The following CEP350 variants were observed in gnomAD, a reference collection of about 807,000 sequenced individuals.
CEP350 encodes the protein centrosome-associated protein 350.
A neutral mutation model predicts 331.8 loss-of-function variants in CEP350; 126 were observed. That is an observed-to-expected ratio of 0.38 (90% CI 0.33 to 0.44). CEP350 has a LOEUF of 0.44. CEP350 is among the 20% of genes least tolerant of loss of function. The pLI, the probability that CEP350 is intolerant of heterozygous loss-of-function variation, is 1.00. For missense variants in CEP350, 3,406 were observed against 3,634.6 expected (o/e 0.94, Z 1.62); for synonymous variants, 1,200 against 1,259.5 (o/e 0.95, Z 1.00).
At position 180,090,699 on chromosome 1, in the gene CEP350, A is replaced by C; in HGVS notation, c.6426-15A>C. On this transcript the variant is annotated splice_polypyrimidine_tract_variant and intron_variant, in intron 32 of 37. Transcript: ENST00000367607. ...GTAATATGTTTATTTCTGCTCATTAATTTTTACACGTCAGATCTGAAACGG... is the reference window on the plus strand; with the variant it reads ...GTAATATGTTTATTTCTGCTCATTACTTTTTACACGTCAGATCTGAAACGG... The C allele has an allele frequency of 6.5e-7, 1 of 1,537,088 alleles. No homozygotes were observed. The highest frequency in any genetic ancestry group is 1.2e-5 in the South Asian group (1 of 81,154).
chr1:180,092,672 A>G lies in CEP350; in HGVS notation c.6567A>G (p.Ala2189=), dbSNP rs747465962. 4 of 1,613,080 alleles carry G rather than the reference A, an allele frequency of 2.5e-6. No homozygotes were observed. In the South Asian group the frequency reaches 3.3e-5, roughly 13 times the overall value. ...SVSERSLSAY[A]KRVNEWDSRT... ...CAGAAAGGTCTTTATCTGCATATGC[A>G]AAGAGAGTAAATGAATGGGACAGTC... The change falls in exon 34 of 38, where the codon GCA becomes GCG. Residue 2189 remains alanine (A), a synonymous_variant. Coordinates refer to ENST00000367607, the MANE Select transcript of CEP350 (RefSeq NM_014810.5).
intron 25 of CEP350, among the ~76,000 whole-genome samples, chr1:180,054,867 A>G (rs975372802): frequency 2.0e-5 from 3 of 152,208 alleles, no homozygotes; most frequent in Admixed American, 6.5e-5. Context: ...ATGACATATT[A>G]ATTACATATT....
intron 22 of CEP350, chr1:180,052,266 T>TG (rs1379252433): frequency 4.4e-6 from 2 of 451,592 alleles, no homozygotes; most frequent in African/African-American, 4.0e-5. Flanking sequence ...CTCGAACTCC[T>TG]GGCCTCAAGG....
rs763817042 is a variant in CEP350 at position 180,093,032 on chromosome 1, T to C, written c.6927T>C (p.Asn2309=). The C allele has an allele frequency of 1.2e-6, 2 of 1,605,906 alleles. No individual in the cohort carries two copies. The highest frequency in any genetic ancestry group is 1.7e-6 in the Non-Finnish European group (2 of 1,175,540). ...AAGATCTTCCTTTAGATTCTGAAAATGTTCAGAAAGACCTAGTTGGATTAG... is the reference window on the plus strand; with the variant it reads ...AAGATCTTCCTTTAGATTCTGAAAACGTTCAGAAAGACCTAGTTGGATTAG... ...SKKDLPLDSE[N]VQKDLVGLAI... Residue 2309 remains asparagine (N), a synonymous_variant, in exon 34 of 38, where the codon AAT becomes AAC. Transcript: ENST00000367607.
At chr1:179,957,947 A>G (rs746769767) in intron 1 of CEP350, among the ~76,000 whole-genome samples, 10 of 152,238 alleles carry the variant, frequency 6.6e-5, no homozygotes, top group Non-Finnish European at 1.5e-4. Context: ...CTTCAAGGCC[A>G]GCTAGTCCAA....
chr1:180,041,872 A>G, intron 19 of CEP350, 70 bp downstream of exon 19: 1 of 1,403,434 alleles, frequency 7.1e-7, no homozygotes, highest in Non-Finnish European at 9.8e-7. Flanking sequence ...GATCTTCAGT[A>G]ATGGGTTTCT....
chr1:180,057,629 C>T (rs923274826), intron 25 of CEP350, among the ~76,000 whole-genome samples: 10 of 151,666 alleles, frequency 6.6e-5, no homozygotes, highest in Middle Eastern at 3.4e-3. Flanking sequence ...AGCTGATGGT[C>T]TCTTCCCCCA....
At chr1:180,035,081 T>G (rs1019384468) in intron 16 of CEP350, among the ~76,000 whole-genome samples, 1 of 152,212 alleles carries the variant, frequency 6.6e-6, no homozygotes, top group African/African-American at 2.4e-5. Context: ...ATTGCTGATA[T>G]GGAGAAAGTT....
chr1:180,049,834 G>A (rs1266323846), intron 22 of CEP350, among the ~76,000 whole-genome samples: 1 of 152,116 alleles, frequency 6.6e-6, no homozygotes, highest in Admixed American at 6.5e-5. Context: ...GAGCAACTGC[G>A]CCTGGCCTAC....
rs540203979 is a variant in CEP350, at chr1:180,087,649, G to A, written c.6357G>A (p.Lys2119=). The A allele has an allele frequency of 1.9e-5, 30 of 1,571,304 alleles. No homozygotes were observed. The East Asian group carries it at 7.0e-4, about 37-fold the overall frequency. The change falls in exon 32 of 38, where the codon AAG becomes AAA. Residue 2119 remains lysine, a synonymous_variant. Transcript: ENST00000367607. ...SQDLETSPTA[K]PQIKTLSSAS... is the part of the protein sequence containing the mutation. ...ATTTGGAAACATCACCAACAGCCAA[G>A]CCTCAGATTAAAACGCTCTCCTCAG...
chr1:180,073,390 G>C (rs1314010882), intron 27 of CEP350, among the ~76,000 whole-genome samples: 1 of 152,142 alleles, frequency 6.6e-6, no homozygotes, highest in African/African-American at 2.4e-5. Flanking sequence ...AAAATCACTT[G>C]CTCAGGATTA....
intron 1 of CEP350, among the ~76,000 whole-genome samples, chr1:179,966,777 G>A (rs752901231): frequency 1.3e-5 from 2 of 152,140 alleles, no homozygotes; most frequent in South Asian, 2.1e-4. Flanking sequence ...AACCTAGTTT[G>A]GATCAGAAAT....
chr1:180,017,129 T>C (rs1481669027), intron 11 of CEP350, among the ~76,000 whole-genome samples: 1 of 152,178 alleles, frequency 6.6e-6, no homozygotes, highest in Non-Finnish European at 1.5e-5. Flanking sequence ...GTTATTCCTG[T>C]TTTACAGAAG....
At chr1:179,999,045 G>A (rs1410723707) in intron 6 of CEP350, among the ~76,000 whole-genome samples, 2 of 152,034 alleles carry the variant, frequency 1.3e-5, no homozygotes, top group Non-Finnish European at 2.9e-5. Flanking sequence ...AGCAAATGGC[G>A]AGGTCAAAAT....
chr1:180,059,725 AAAC>A (rs1658080207), intron 25 of CEP350, among the ~76,000 whole-genome samples: 1 of 152,152 alleles, frequency 6.6e-6, no homozygotes, highest in Admixed American at 6.5e-5. Flanking sequence ...TTTTTCTTAA[AAAC>A]AAAGAAAGTA....
At position 180,113,151 on chromosome 1, in the gene CEP350, G is replaced by A. The variant is rs767028432; in HGVS notation, c.*1990G>A. ...AAGCAAAGGCTTTTCTTTTCAGTTT[G>A]TGTTATTTGGAAGACAGAAAAACAT... On this transcript the variant is annotated 3_prime_UTR_variant, in exon 38 of 38. Transcript: ENST00000367607. 31 of 152,680 alleles carry A rather than the reference G, an allele frequency of 2.0e-4. No individual in the cohort carries two copies. Among genetic ancestry groups the A allele is most frequent in the African/African-American group, 2.9e-4 (12 of 41,552 alleles). The allele number at this position is 152,680 out of a possible 1,614,324, so 9.5% of individuals were successfully genotyped here.
intron 32 of CEP350, among the ~76,000 whole-genome samples, chr1:180,090,107 CA>C: frequency 6.6e-6 from 1 of 152,196 alleles, no homozygotes; most frequent in South Asian, 2.1e-4. Context: ...TTCCTGCAGA[CA>C]GGAGGAAAGG....
At position 180,093,669 on chromosome 1, in the gene CEP350, G is replaced by A; in HGVS notation, c.7564G>A (p.Ala2522Thr). Reference sequence around the variant, plus strand: ...TCGATTCAAAGGTGAGACTAGTTTTGCTAAAGGATTTTGGGCCGGAGTGGA... The same window carrying A: ...TCGATTCAAAGGTGAGACTAGTTTTACTAAAGGATTTTGGGCCGGAGTGGA... ...ILRFKGETSF[A>T]KGFWAGVELD... The change falls in exon 34 of 38, where the codon GCT (alanine) becomes ACT (threonine). Residue 2522 changes from alanine (A) to threonine (T), a missense_variant. By Grantham distance (58) the Ala-to-Thr change is moderately conservative. Transcript: ENST00000367607. The A allele has an allele frequency of 6.2e-7, 1 of 1,613,946 alleles. No individual in the cohort carries two copies. Among genetic ancestry groups the A allele is most frequent in the African/African-American group, 1.3e-5 (1 of 75,036 alleles).
At chr1:180,067,955 T>C (rs1658644810) in intron 27 of CEP350, among the ~76,000 whole-genome samples, 1 of 152,260 alleles carries the variant, frequency 6.6e-6, no homozygotes, top group Non-Finnish European at 1.5e-5. Flanking sequence ...TTTGAACCTC[T>C]GCTACTTCGT....
Sources: allele counts gnomAD v4.1 joint callset (sites outside exome capture counted in the v4.1 genomes callset), GRCh38; gene constraint gnomAD v4.1.1; transcripts MANE v1.5; gene names NCBI Gene and HGNC (gene_info 2026-07-23, HGNC 2026-07-21).